The following ABCD2 variants were observed in gnomAD, a reference collection of about 807,000 sequenced individuals.
ABCD2 encodes ATP-binding cassette sub-family D member 2.
In ABCD2, 36 loss-of-function variants were observed where a neutral mutation model predicts 70.9. The observed-to-expected ratio is 0.51, with a 90% CI of 0.39 to 0.67. The LOEUF is 0.67. Ranked by LOEUF, ABCD2 falls within the 30% of genes least tolerant of loss-of-function variation. The pLI is 0.00. For missense variants in ABCD2, 729 were observed against 890.2 expected (o/e 0.82, Z 2.30); for synonymous variants, 304 against 306.9 (o/e 0.99, Z 0.10).
At chr12:39,568,105 T>C (rs910423703) in intron 9 of ABCD2, among the ~76,000 whole-genome samples, 1 of 152,060 alleles carries the variant, frequency 6.6e-6, no homozygotes, top group Non-Finnish European at 1.5e-5. Flanking sequence ...TTATGTGTCT[T>C]GGAGTTGCTC....
At chr12:39,563,530 T>G (rs959855408) in intron 9 of ABCD2, among the ~76,000 whole-genome samples, 1 of 151,916 alleles carries the variant, frequency 6.6e-6, no homozygotes, top group East Asian at 1.9e-4. Flanking sequence ...GAAAAAGAAA[T>G]AAAAGGCATC....
At chr12:39,612,356 A>G (rs535307176) in intron 2 of ABCD2, among the ~76,000 whole-genome samples, 1 of 152,346 alleles carries the variant, frequency 6.6e-6, no homozygotes, top group East Asian at 1.9e-4. Flanking sequence ...GGTTAAATAA[A>G]ATGGTATAGT....
chr12:39,570,073 G>A (rs1429348557), intron 9 of ABCD2, among the ~76,000 whole-genome samples: 1 of 152,146 alleles, frequency 6.6e-6, no homozygotes, highest in Non-Finnish European at 1.5e-5. Flanking sequence ...TTAATGTAAG[G>A]AATCGAAGAA....
At chr12:39,608,463 G>C (rs1942000806) in intron 2 of ABCD2, among the ~76,000 whole-genome samples, 1 of 152,112 alleles carries the variant, frequency 6.6e-6, no homozygotes, top group Admixed American at 6.5e-5. Flanking sequence ...AAGGCAGGCA[G>C]ATCACTTGAG....
chr12:39,569,969 A>T (rs1188788746), intron 9 of ABCD2, among the ~76,000 whole-genome samples: 1 of 152,200 alleles, frequency 6.6e-6, no homozygotes, highest in Non-Finnish European at 1.5e-5. Flanking sequence ...AAATCAAGGA[A>T]ACAATCCCAT....
At chr12:39,566,706 C>A (rs886586745) in intron 9 of ABCD2, among the ~76,000 whole-genome samples, 1 of 152,136 alleles carries the variant, frequency 6.6e-6, no homozygotes, top group Non-Finnish European at 1.5e-5. Flanking sequence ...TCCTCTATTT[C>A]TTTTAATTGT....
the ABCD2 span, among the ~76,000 whole-genome samples, chr12:39,539,005 C>T: frequency 6.6e-6 from 1 of 152,178 alleles, no homozygotes; most frequent in Non-Finnish European, 1.5e-5. Context: ...CCCAGGCGCT[C>T]ATTAAAACAG....
intron 2 of ABCD2, among the ~76,000 whole-genome samples, chr12:39,615,479 C>T (rs1050407634): frequency 6.6e-6 from 1 of 151,788 alleles, no homozygotes; most frequent in African/African-American, 2.4e-5. Flanking sequence ...AATACTATTA[C>T]TAACAATACC....
At chr12:39,607,253 A>T (rs1228144482) in intron 3 of ABCD2, among the ~76,000 whole-genome samples, 2 of 152,204 alleles carry the variant, frequency 1.3e-5, no homozygotes, top group African/African-American at 4.8e-5. Flanking sequence ...AGAGACACAG[A>T]CGCTGTAGCG....
At chr12:39,601,459 T>C (rs1463112417) in intron 5 of ABCD2, among the ~76,000 whole-genome samples, 1 of 151,944 alleles carries the variant, frequency 6.6e-6, no homozygotes, top group Non-Finnish European at 1.5e-5. Context: ...TCCCTTTATT[T>C]TCTATCCTAT....
the ABCD2 span, among the ~76,000 whole-genome samples, chr12:39,542,278 A>G: frequency 6.6e-6 from 1 of 152,158 alleles, no homozygotes; most frequent in Admixed American, 6.5e-5. Flanking sequence ...CCTGGCTAAC[A>G]TGGGGAAACC....
In ABCD2 at chr12:39,550,907, A is replaced by G. The variant is rs1321722443; in HGVS notation, c.*3005T>C. ...AAAAAGCTATTCCAAACATATTAGA[A>G]TAAGATGAATCTATTGCCAAATATG... is the stretch of plus-strand genomic sequence containing the variant. On this transcript the variant is annotated 3_prime_UTR_variant, in exon 10 of 10. Transcript: ENST00000308666. 6.6e-6 allele frequency: 1 copy of G among 151,752 alleles called. No individual in the cohort carries two copies. Among genetic ancestry groups the G allele is most frequent in the East Asian group, 1.9e-4 (1 of 5,202 alleles). The allele number at this position is 151,752 out of a possible 1,614,324, so 9.4% of individuals were successfully genotyped here. A position where few individuals can be genotyped will look rare whatever the true frequency, so the allele number is the denominator to read the frequency against.
chr12:39,576,911 C>T (rs1291289532), intron 8 of ABCD2, among the ~76,000 whole-genome samples: 2 of 151,736 alleles, frequency 1.3e-5, no homozygotes, highest in African/African-American at 4.8e-5. Context: ...AACTTTAGTA[C>T]AATAACAATA....
chr12:39,597,067 G>A (rs1162763601), intron 6 of ABCD2, among the ~76,000 whole-genome samples: 2 of 152,058 alleles, frequency 1.3e-5, no homozygotes, highest in Non-Finnish European at 2.9e-5. Flanking sequence ...CAAGGTTGTG[G>A]AAGCTGCAGA....
intron 2 of ABCD2, among the ~76,000 whole-genome samples, chr12:39,614,665 TATGTA>T (rs1942091952): frequency 6.6e-6 from 1 of 152,098 alleles, no homozygotes; most frequent in Non-Finnish European, 1.5e-5. Context: ...GAATACATGG[TATGTA>T]ATTCCAAGAA....
chr12:39,615,081 T>G (rs1353211908), intron 2 of ABCD2, among the ~76,000 whole-genome samples: 1 of 152,052 alleles, frequency 6.6e-6, no homozygotes, highest in African/African-American at 2.4e-5. Context: ...TATTATTACA[T>G]CTTGTTAAAT....
intron 7 of ABCD2, among the ~76,000 whole-genome samples, chr12:39,582,195 A>T (rs1941605402): frequency 6.6e-6 from 1 of 152,090 alleles, no homozygotes; most frequent in Non-Finnish European, 1.5e-5. Context: ...AATAGTTTTT[A>T]TTATTGTTTA....
At chr12:39,545,457 G>A (rs1361838656), downstream of ABCD2, among the ~76,000 whole-genome samples, 1 of 152,128 alleles carries the variant, frequency 6.6e-6, no homozygotes, top group African/African-American at 2.4e-5. Context: ...TTTTAAAAAT[G>A]AGAAACCTGA....
intron 9 of ABCD2, among the ~76,000 whole-genome samples, chr12:39,558,938 A>G (rs1327058408): frequency 6.6e-6 from 1 of 152,224 alleles, no homozygotes; most frequent in African/African-American, 2.4e-5. Context: ...TAAAAATGCA[A>G]TGGAGACATC....
Sources: gnomAD v4.1 joint callset for allele counts (sites outside exome capture counted in the v4.1 genomes callset) on GRCh38, gnomAD v4.1.1 for gene constraint, MANE v1.5 for transcripts, NCBI Gene and HGNC (gene_info 2026-07-23, HGNC 2026-07-21) for gene names.